The following ARHGAP44 variants were observed in gnomAD, a reference collection of about 807,000 sequenced individuals.
ARHGAP44 encodes Rho GTPase activating protein 44, also known as rho GTPase-activating protein 44.
Under a neutral mutation model 106.8 loss-of-function variants are expected in ARHGAP44, and 43 were observed. That is an observed-to-expected ratio of 0.40 (90% CI 0.32 to 0.52). The LOEUF is 0.52. Among genes scored for constraint, ARHGAP44 ranks in the 20% least tolerant of loss-of-function variants. The pLI is 0.48. For synonymous variants in ARHGAP44, 439 were observed against 410.3 expected, an observed-to-expected ratio of 1.07 and a Z score of -0.85; for missense variants, 866 against 1,050.5, an observed-to-expected ratio of 0.82 and a Z score of 2.43.
chr17:12,873,880 G>C (rs967264326), intron 1 of ARHGAP44, among the ~76,000 whole-genome samples: 1 of 151,904 alleles, frequency 6.6e-6, no homozygotes, highest in East Asian at 1.9e-4. Context: ...CTCCAGCCTG[G>C]ATGACAGAGC....
chr17:12,843,037 A>G (rs1474595273), intron 1 of ARHGAP44, among the ~76,000 whole-genome samples: 4 of 152,152 alleles, frequency 2.6e-5, no homozygotes, highest in Non-Finnish European at 1.5e-5. Flanking sequence ...AATCCCATTC[A>G]TATAGCTCTC....
intron 7 of ARHGAP44, among the ~76,000 whole-genome samples, chr17:12,932,283 ATCATGTATTTATTGGACATTCT>A (rs1363779055): frequency 6.6e-6 from 1 of 152,216 alleles, no homozygotes; most frequent in Non-Finnish European, 1.5e-5. Context: ...GTTGATGAGT[ATCATGTATTTATTGGACATTCT>A]TCATGTATTT....
intron 16 of ARHGAP44, among the ~76,000 whole-genome samples, chr17:12,963,789 A>G (rs916147531): frequency 8.6e-5 from 13 of 151,454 alleles, no homozygotes; most frequent in Admixed American, 3.3e-4. Flanking sequence ...GTTTTAGGGT[A>G]GTTTGTTACA....
chr17:12,913,446 G>A (rs1272862640), intron 4 of ARHGAP44, among the ~76,000 whole-genome samples: 1 of 152,072 alleles, frequency 6.6e-6, no homozygotes, highest in Non-Finnish European at 1.5e-5. Context: ...ATAATATGGA[G>A]TCAAAGTGTA....
intron 1 of ARHGAP44, among the ~76,000 whole-genome samples, chr17:12,821,027 T>G (rs1447965206): frequency 6.6e-6 from 1 of 152,192 alleles, no homozygotes; most frequent in Non-Finnish European, 1.5e-5. Flanking sequence ...AATATGCCCA[T>G]TAGATTTTAG....
intron 1 of ARHGAP44, among the ~76,000 whole-genome samples, chr17:12,808,847 T>C (rs1409383157): frequency 6.6e-6 from 1 of 152,240 alleles, no homozygotes; most frequent in African/African-American, 2.4e-5. Flanking sequence ...ATCATGAGGC[T>C]GCAAATTTTC....
intron 7 of ARHGAP44, among the ~76,000 whole-genome samples, chr17:12,936,569 A>T (rs1358182763): frequency 6.6e-6 from 1 of 152,206 alleles, no homozygotes; most frequent in Non-Finnish European, 1.5e-5. Context: ...TTGTCTGGAT[A>T]TACCACAGTC....
intron 19 of ARHGAP44, chr17:12,982,994 C>G (rs1009283407): frequency 6.6e-6 from 1 of 152,278 alleles, no homozygotes; most frequent in African/African-American, 2.4e-5. Context: ...GGCTGGGCAC[C>G]GTGGCTCACG....
intron 1 of ARHGAP44, among the ~76,000 whole-genome samples, chr17:12,827,552 A>G (rs2034956823): frequency 6.6e-6 from 1 of 152,184 alleles, no homozygotes; most frequent in South Asian, 2.1e-4. Context: ...ATAGTAATAT[A>G]TTCAATATAA....
intron 13 of ARHGAP44, 141 bp downstream of exon 13, chr17:12,952,722 C>CTTTTTT (rs201371135): frequency 2.6e-5 from 8 of 307,910 alleles, no homozygotes; most frequent in Non-Finnish European, 4.8e-5. Context: ...TGCATGGTCT[C>CTTTTTT]TTTTTTTTTT....
At chr17:12,902,974 C>T (rs2037417348) in intron 3 of ARHGAP44, among the ~76,000 whole-genome samples, 1 of 151,934 alleles carries the variant, frequency 6.6e-6, no homozygotes, top group Non-Finnish European at 1.5e-5. Flanking sequence ...GAGACCCAAG[C>T]ATCAAGCCTT....
intron 4 of ARHGAP44, among the ~76,000 whole-genome samples, chr17:12,914,225 A>C (rs73296319): frequency 0.023 from 3,490 of 152,266 alleles, 123 homozygotes; most frequent in African/African-American, 0.08. Flanking sequence ...AACCAGAAGG[A>C]GATAATAATT....
At chr17:12,938,659 T>C (rs2038622251) in intron 7 of ARHGAP44, among the ~76,000 whole-genome samples, 1 of 151,556 alleles carries the variant, frequency 6.6e-6, no homozygotes, top group African/African-American at 2.4e-5. Flanking sequence ...TTTCTGAGTG[T>C]GGATTAGTTG....
In ARHGAP44 at chr17:12,958,915, T is replaced by C; in HGVS notation, c.1523+18T>C. On this transcript the variant is annotated intron_variant, in intron 16 of 20. Transcript: ENST00000379672. This position sits in a 1 kb window ranked among gnomAD's most constrained non-coding sequence, Gnocchi z 4.1. ...AAGGATGGGTATGAACTGGTGTCTCTTTCTCAGCACTGGGGATTAGGGGAG... is the reference window on the plus strand; with the variant it reads ...AAGGATGGGTATGAACTGGTGTCTCCTTCTCAGCACTGGGGATTAGGGGAG... The C allele has an allele frequency of 6.3e-7, 1 of 1,594,356 alleles. No individual in the cohort carries two copies. The highest frequency in any genetic ancestry group is 8.5e-7 in the Non-Finnish European group (1 of 1,170,042).
At chr17:12,916,821 T>C (rs764191912) in intron 5 of ARHGAP44, among the ~76,000 whole-genome samples, 4 of 152,234 alleles carry the variant, frequency 2.6e-5, no homozygotes, top group East Asian at 1.9e-4. Flanking sequence ...TCACGGGAGA[T>C]AGGAAATGCT....
Position 12,911,875 on chromosome 17 carries a change from A to G in ARHGAP44, c.275+2902A>G, listed in dbSNP as rs2037747707. On this transcript the variant is annotated intron_variant, in intron 4 of 20. Coordinates refer to ENST00000379672, the MANE Select transcript of ARHGAP44 (RefSeq NM_014859.6). ...GACTTTACCCTCTAAGCAGGAAATT[A>G]GAAGAGGTTTCTCAGGAGAATCAGG... Among the ~76,000 whole-genome samples the G allele has an allele frequency of 2.0e-5, 3 of 152,232 alleles. No individual in the cohort carries two copies. In the South Asian group the frequency reaches 6.2e-4, roughly 31 times the overall value.
chr17:12,909,637 C>T (rs1249268976), intron 4 of ARHGAP44, among the ~76,000 whole-genome samples: 1 of 151,954 alleles, frequency 6.6e-6, no homozygotes, highest in Admixed American at 6.6e-5. Context: ...AGCCGCCACC[C>T]AGAATGAAGG....
chr17:12,866,827 G>A (rs2036251157), intron 1 of ARHGAP44, among the ~76,000 whole-genome samples: 1 of 152,170 alleles, frequency 6.6e-6, no homozygotes, highest in Admixed American at 6.5e-5. Context: ...GTTTGTGCAG[G>A]TCTGTCTTGG....
chr17:12,860,066 A>G (rs2036024326), intron 1 of ARHGAP44, among the ~76,000 whole-genome samples: 1 of 152,168 alleles, frequency 6.6e-6, no homozygotes, highest in Admixed American at 6.5e-5. Context: ...CTGGACTCCA[A>G]GTAGTTGGTT....
Sources: gnomAD v4.1 joint callset for allele counts (sites outside exome capture counted in the v4.1 genomes callset) on GRCh38, gnomAD v4.1.1 for gene constraint, Gnocchi (gnomAD v3.1) non-coding constraint, MANE v1.5 for transcripts, NCBI Gene and HGNC (gene_info 2026-07-23, HGNC 2026-07-21) for gene names.